P2RX7: variants seen among roughly 807,000 people sequenced by gnomAD.
P2RX7 encodes purinergic receptor P2X 7.
P2RX7 carries 62 observed loss-of-function variants against 71.6 expected under a neutral mutation model. The ratio of observed to expected loss-of-function variants is 0.87; its 90% CI spans 0.71 to 1.07. P2RX7 has a LOEUF of 1.07. Ranked by LOEUF, P2RX7 falls within the 50% of genes least tolerant of loss-of-function variation. The probability of loss-of-function intolerance (pLI) is 0.00; values close to 1 mark genes in which losing one functional copy is unlikely to be tolerated. For synonymous variants in P2RX7, 299 were observed against 283.3 expected (o/e 1.06, Z -0.56); for missense variants, 686 against 748.5 (o/e 0.92, Z 0.97).
chr12:121,172,783 C>T (rs1882446038), intron 8 of P2RX7, among the ~76,000 whole-genome samples: 1 of 152,208 alleles, frequency 6.6e-6, no homozygotes, highest in Non-Finnish European at 1.5e-5. Flanking sequence ...TGATCGATTT[C>T]AATGTCAGGT....
chr12:121,182,821 T>C (rs1314866794), intron 12 of P2RX7, among the ~76,000 whole-genome samples: 1 of 152,248 alleles, frequency 6.6e-6, no homozygotes, highest in Non-Finnish European at 1.5e-5. Context: ...AATCTTAGCT[T>C]ACTGTGACTG....
At position 121,185,977 on chromosome 12, in the gene P2RX7, C is replaced by T. The variant is rs1484737735; in HGVS notation, c.*1175C>T. ...GCTGAGACAGGAGAAACACTTGAAC[C>T]TGGGAGGTGGAGGTTGCATTGAGCT... On this transcript the variant is annotated 3_prime_UTR_variant, in exon 13 of 13. Transcript: ENST00000328963. The T allele has an allele frequency of 6.6e-6, 1 of 151,466 alleles. No homozygotes were observed. Among genetic ancestry groups the T allele is most frequent in the Non-Finnish European group, 1.5e-5 (1 of 68,072 alleles). The allele number at this position is 151,466 out of a possible 1,614,324, so 9.4% of individuals were successfully genotyped here. A position where few individuals can be genotyped will look rare whatever the true frequency, so the allele number is the denominator to read the frequency against.
intron 4 of P2RX7, 70 bp downstream of exon 4, chr12:121,161,044 C>A: frequency 8.6e-7 from 1 of 1,157,686 alleles, no homozygotes; most frequent in South Asian, 1.2e-5. Context: ...TTTGTGATGC[C>A]CAGGTCAGGT....
chr12:121,147,306 C>T (rs1162355502), intron 1 of P2RX7, among the ~76,000 whole-genome samples: 2 of 152,048 alleles, frequency 1.3e-5, no homozygotes, highest in Non-Finnish European at 2.9e-5. Context: ...TAGTACCTTC[C>T]TTATAGAGTT....
intron 3 of P2RX7, among the ~76,000 whole-genome samples, chr12:121,156,522 C>T (rs1041091345): frequency 6.6e-6 from 1 of 152,226 alleles, no homozygotes; most frequent in African/African-American, 2.4e-5. Context: ...AGAAAAATGG[C>T]ATTTTACAAA....
chr12:121,158,108 C>T (rs2136054959), intron 3 of P2RX7, among the ~76,000 whole-genome samples: 1 of 152,228 alleles, frequency 6.6e-6, no homozygotes, highest in African/African-American at 2.4e-5. Flanking sequence ...ATCAACACCC[C>T]TCTATCTCGG....
Position 121,151,712 on chromosome 12 carries a change from C to G in P2RX7, c.126-3073C>G, listed in dbSNP as rs114912355. Among the ~76,000 whole-genome samples the G allele has an allele frequency of 4.6e-3, 700 of 152,222 alleles. 5 individuals carry two copies. The highest frequency in any genetic ancestry group is 0.016 in the African/African-American group (673 of 41,514). ...ATTCATAGTACTGTGCAACCACCAC[C>G]TCTATCTAGCTCCAGAACATTTTCA... On this transcript the variant is annotated intron_variant, in intron 1 of 12. Coordinates refer to ENST00000328963, the MANE Select transcript of P2RX7 (RefSeq NM_002562.6).
chr12:121,137,388 C>T (rs986420105), intron 1 of P2RX7, among the ~76,000 whole-genome samples: 1 of 152,168 alleles, frequency 6.6e-6, no homozygotes, highest in African/African-American at 2.4e-5. Context: ...AGCAGACCCA[C>T]TGGGAAGTGG....
chr12:121,166,226 G>A (rs934698294), intron 7 of P2RX7, 39 bp downstream of exon 7: 9 of 1,597,896 alleles, frequency 5.6e-6, no homozygotes, highest in African/African-American at 1.3e-5. Context: ...GGGGCTGTGT[G>A]TCTAGGGATG....
intron 8 of P2RX7, among the ~76,000 whole-genome samples, chr12:121,171,566 A>G (rs1052261735): frequency 9.2e-5 from 14 of 151,824 alleles, no homozygotes; most frequent in Admixed American, 9.2e-4. Context: ...TAACTTAATT[A>G]TATCTGCAAA....
rs780044922 is a variant in P2RX7, at chr12:121,160,978, C to T, written c.436+4C>T. The T allele has an allele frequency of 3.1e-6, 5 of 1,611,400 alleles. No individual in the cohort carries two copies. In the South Asian group the frequency reaches 3.3e-5, roughly 11 times the overall value. Reference sequence around the variant, plus strand: ...TGGATGGACCCGCAGAGCAAAGGTACCTTCTGTTTCTTTTCCCGAGACCCT... The same window carrying T: ...TGGATGGACCCGCAGAGCAAAGGTATCTTCTGTTTCTTTTCCCGAGACCCT... On this transcript the variant is annotated splice_donor_region_variant and intron_variant, in intron 4 of 12. Transcript: ENST00000328963.
intron 1 of P2RX7, among the ~76,000 whole-genome samples, chr12:121,148,187 T>TA (rs1193986737): frequency 6.8e-6 from 1 of 146,856 alleles, no homozygotes; most frequent in East Asian, 2.0e-4. Context: ...GCTGGGATCT[T>TA]TTTTATTTAT....
intron 1 of P2RX7, among the ~76,000 whole-genome samples, chr12:121,152,678 C>G (rs1877699521): frequency 6.6e-6 from 1 of 152,198 alleles, no homozygotes; most frequent in African/African-American, 2.4e-5. Flanking sequence ...CGCCACCGTA[C>G]CCAGTTAATT....
At chr12:121,176,534 T>C (rs2686376) in intron 9 of P2RX7, among the ~76,000 whole-genome samples, 58,642 of 151,430 alleles carry the variant, frequency 0.39, 11,729 homozygotes, top group African/African-American at 0.45. Context: ...AGGTGGATCA[T>C]GAGGTCAGGA....
intron 8 of P2RX7, among the ~76,000 whole-genome samples, chr12:121,168,571 A>G (rs1881589289): frequency 6.6e-6 from 1 of 152,112 alleles, no homozygotes; most frequent in African/African-American, 2.4e-5. Context: ...GCCTGGCCCA[A>G]GGAGGGTTTT....
intron 8 of P2RX7, 70 bp from the exon 9 acceptor site, chr12:121,175,318 A>AAAAAAAAC (rs1882909052): frequency 1.1e-6 from 1 of 936,652 alleles, no homozygotes; most frequent in Non-Finnish European, 1.7e-6. Context: ...CTCAAAAAAA[A>AAAAAAAAC]AAAAAAAAAA....
intron 7 of P2RX7, 21 bp downstream of exon 7, chr12:121,166,208 T>C: frequency 6.2e-7 from 1 of 1,608,252 alleles, no homozygotes; most frequent in Non-Finnish European, 8.5e-7. Context: ...CTTTGTACAC[T>C]GGGATGTGGG....
Position 121,184,787 on chromosome 12 carries a change from CAA to C in P2RX7, c.1774_1775del (p.Lys592GlufsTer27), listed in dbSNP as rs1324782416. 4.5e-6 allele frequency: 7 copies of C among 1,544,022 alleles called. No homozygotes were observed. Among genetic ancestry groups the C allele is most frequent in the Middle Eastern group, 1.7e-4 (1 of 5,826 alleles). ...PKSEGQYSGF[K>X]SPY ...AGAGTGAAGGGCAGTACAGTGGCTTCAAGAGTCCTTACTGAAGCCAGGCACCG... is the reference window on the plus strand; with the variant it reads ...AGAGTGAAGGGCAGTACAGTGGCTTCGAGTCCTTACTGAAGCCAGGCACCG... On this transcript the variant is annotated frameshift_variant, in exon 13 of 13. Coordinates refer to ENST00000328963, the MANE Select transcript of P2RX7 (RefSeq NM_002562.6). LOFTEE classifies it high-confidence loss of function.
intron 1 of P2RX7, among the ~76,000 whole-genome samples, chr12:121,145,767 A>T (rs1174046600): frequency 6.6e-6 from 1 of 151,954 alleles, no homozygotes; most frequent in Non-Finnish European, 1.5e-5. Context: ...CAGCCTCCCA[A>T]AGTGCTGGGA....
Sources: allele counts gnomAD v4.1 joint callset (sites outside exome capture counted in the v4.1 genomes callset), GRCh38; gene constraint gnomAD v4.1.1; transcripts MANE v1.5; gene names NCBI Gene and HGNC (gene_info 2026-07-23, HGNC 2026-07-21).